The following HRCT1 variants were observed in gnomAD, a reference collection of about 807,000 sequenced individuals.
The protein encoded by HRCT1 is histidine rich carboxyl terminus 1, also known as histidine-rich carboxyl terminus protein 1.
For missense variants in HRCT1, 185 were observed against 161.3 expected (o/e 1.15, Z -0.80); for synonymous variants, 76 against 69.0 (o/e 1.10, Z -0.50).
chr9:35,906,804 A>T lies in HRCT1; in HGVS notation c.*169A>T. The T allele has an allele frequency of 1.1e-6, 1 of 944,978 alleles. No individual in the cohort carries two copies. The highest frequency in any genetic ancestry group is 2.6e-5 in the East Asian group (1 of 38,382). 58.5% of individuals were successfully genotyped at this position (944,978 alleles called of 1,614,324 possible). On this transcript the variant is annotated 3_prime_UTR_variant, in exon 1 of 1. Transcript: ENST00000354323. The stretch of plus-strand genomic sequence containing the variant: ...GCATTTGCATGGCATGCCCCAGTGT[A>T]CTATGGCAGCAGAGAATGGAGGAAC...
rs1833108851 is a variant in HRCT1 at position 35,906,733 on chromosome 9, C to T, written c.*98C>T. 6.7e-7 allele frequency: 1 copy of T among 1,492,686 alleles called. No individual in the cohort carries two copies. Among genetic ancestry groups the T allele is most frequent in the African/African-American group, 1.4e-5 (1 of 71,476 alleles). 92.5% of individuals were successfully genotyped at this position (1,492,686 alleles called of 1,614,324 possible). On this transcript the variant is annotated 3_prime_UTR_variant, in exon 1 of 1. Coordinates refer to ENST00000354323, the MANE Select transcript of HRCT1 (RefSeq NM_001039792.2). ...CATGTTTCCATGTGGAAGGATGCAT[C>T]TCTGGGGTGAACGAGGGGAACAATA... is the stretch of plus-strand genomic sequence containing the variant.
Position 35,906,649 on chromosome 9 carries a change from G to A in HRCT1, c.*14G>A, listed in dbSNP as rs780777262. 39 of 1,288,508 alleles carry A rather than the reference G, an allele frequency of 3.0e-5. No individual in the cohort carries two copies. The highest frequency in any genetic ancestry group is 2.4e-4 in the African/African-American group (14 of 58,572). The allele number at this position is 1,288,508 out of a possible 1,614,324, so 79.8% of individuals were successfully genotyped here. ...CACGCTCGCTGAGGCTGCTGTCGCCGGTGCCTGTGGACAGCAGCTGCCCCT... is the reference window on the plus strand; with the variant it reads ...CACGCTCGCTGAGGCTGCTGTCGCCAGTGCCTGTGGACAGCAGCTGCCCCT... On this transcript the variant is annotated 3_prime_UTR_variant, in exon 1 of 1. Transcript: ENST00000354323.
Position 35,906,595 on chromosome 9 carries a change from A to ACCCCCACCACCACCC in HRCT1, c.310_311insCCCACCACCACCCCC (p.His103_His104insProHisHisHisPro), listed in dbSNP as rs1554690914. 1 of 1,198,304 alleles carries ACCCCCACCACCACCC rather than the reference A, an allele frequency of 8.3e-7. No individual in the cohort carries two copies. Among genetic ancestry groups the ACCCCCACCACCACCC allele is most frequent in the African/African-American group, 2.4e-5 (1 of 42,160 alleles). The allele number at this position is 1,198,304 out of a possible 1,614,324, so 74.2% of individuals were successfully genotyped here. ...CACACCCCTCACCACCTCCACCACC[A>ACCCCCACCACCACCC]CCACCACCCCCACCGCCACCATCCC... On this transcript the variant is annotated inframe_insertion, in exon 1 of 1. Coordinates refer to ENST00000354323, the MANE Select transcript of HRCT1 (RefSeq NM_001039792.2).
In HRCT1 at chr9:35,906,598, A is replaced by ACCACCCCCACCGCCACCCCCACCG; in HGVS notation, c.328_329insCCCACCGCCACCCCCACCGCCACC (p.His109_His110insProHisArgHisProHisArgHis). ...ACCCCTCACCACCTCCACCACCACC[A>ACCACCCCCACCGCCACCCCCACCG]CCACCCCCACCGCCACCATCCCCGC... On this transcript the variant is annotated inframe_insertion, in exon 1 of 1. Transcript: ENST00000354323. The ACCACCCCCACCGCCACCCCCACCG allele has an allele frequency of 8.4e-7, 1 of 1,194,688 alleles. No homozygotes were observed. The highest frequency in any genetic ancestry group is 1.1e-6 in the Non-Finnish European group (1 of 910,636). The allele number at this position is 1,194,688 out of a possible 1,614,324, so 74.0% of individuals were successfully genotyped here. A position where few individuals can be genotyped will look rare whatever the true frequency, so the allele number is the denominator to read the frequency against.
Position 35,906,586 on chromosome 9 carries a change from T to TCCACCACCACCTCCACCA in HRCT1, c.310_311insTCCACCACCACCACCACC (p.His103_His104insLeuHisHisHisHisHis). 1.7e-6 allele frequency: 2 copies of TCCACCACCACCTCCACCA among 1,188,802 alleles called. No individual in the cohort carries two copies. The highest frequency in any genetic ancestry group is 2.3e-6 in the Non-Finnish European group (2 of 887,366). The allele number at this position is 1,188,802 out of a possible 1,614,324, so 73.6% of individuals were successfully genotyped here. On this transcript the variant is annotated inframe_insertion, in exon 1 of 1. Transcript: ENST00000354323. Reference sequence around the variant, plus strand: ...CACCCCCGCCACACCCCTCACCACCTCCACCACCACCACCACCCCCACCGC... The same window carrying TCCACCACCACCTCCACCA: ...CACCCCCGCCACACCCCTCACCACCTCCACCACCACCTCCACCACCACCACCACCACCACCCCCACCGC...
chr9:35,906,559 ACCACCCCCG>A lies in HRCT1; in HGVS notation c.277_285del (p.Pro93_His95del). 3 of 1,499,364 alleles carry A rather than the reference ACCACCCCCG, an allele frequency of 2.0e-6. No individual in the cohort carries two copies. Among genetic ancestry groups the A allele is most frequent in the Non-Finnish European group, 2.7e-6 (3 of 1,117,392 alleles). 92.9% of individuals were successfully genotyped at this position (1,499,364 alleles called of 1,614,324 possible). On this transcript the variant is annotated inframe_deletion, in exon 1 of 1. Transcript: ENST00000354323. ...CCGAATGTGGGCCTCCACCACCACC[ACCACCCCCG>A]CCACACCCCTCACCACCTCCACCAC... is the stretch of plus-strand genomic sequence containing the variant.
At position 35,906,820 on chromosome 9, in the gene HRCT1, A is replaced by G; in HGVS notation, c.*185A>G. On this transcript the variant is annotated 3_prime_UTR_variant, in exon 1 of 1. Transcript: ENST00000354323. ...CCCCAGTGTACTATGGCAGCAGAGAATGGAGGAACACTGGGTCTGCAGTGC... is the reference window on the plus strand; with the variant it reads ...CCCCAGTGTACTATGGCAGCAGAGAGTGGAGGAACACTGGGTCTGCAGTGC... 3.6e-6 allele frequency: 3 copies of G among 843,716 alleles called. No homozygotes were observed. Among genetic ancestry groups the G allele is most frequent in the Non-Finnish European group, 5.5e-6 (3 of 547,728 alleles). The allele number at this position is 843,716 out of a possible 1,614,324, so 52.3% of individuals were successfully genotyped here. A position where few individuals can be genotyped will look rare whatever the true frequency, so the allele number is the denominator to read the frequency against.
chr9:35,906,604 C>CCTCACCACCTCCACCACCACCACCACCA, the HRCT1 span: 1 of 1,154,912 alleles, frequency 8.7e-7, no homozygotes, highest in Non-Finnish European at 1.2e-6. Flanking sequence ...CACCACCACC[C>CCTCACCACCTCCACCACCACCACCACCA]CCACCGCCAC....
rs1270566850 is a variant in HRCT1 at position 35,906,270 on chromosome 9, G to A, written c.-18G>A. ...GAGTGAGGAGCTGCTGGGCAGAGAG[G>A]GACTGTCCGGCTCCCAGATGCTGGG... is the stretch of plus-strand genomic sequence containing the variant. On this transcript the variant is annotated 5_prime_UTR_variant, in exon 1 of 1. Transcript: ENST00000354323. The A allele has an allele frequency of 1.3e-6, 2 of 1,583,998 alleles. No homozygotes were observed. The highest frequency in any genetic ancestry group is 1.7e-6 in the Non-Finnish European group (2 of 1,163,836).
In HRCT1 at chr9:35,906,481, G is replaced by C; in HGVS notation, c.194G>C (p.Gly65Ala). 6.3e-7 allele frequency: 1 copy of C among 1,596,020 alleles called. No homozygotes were observed. ...RAQPWPFRRR[G>A]HLGIFHHHRH... ...CAGCCTTGGCCCTTCCGGCGGCGGG[G>C]CCACCTGGGAATCTTTCACCATCAC... is the stretch of plus-strand genomic sequence containing the variant. Residue 65 changes from glycine (G) to alanine (A), a missense_variant, in exon 1 of 1, where the codon GGC becomes GCC. Coordinates refer to ENST00000354323, the MANE Select transcript of HRCT1 (RefSeq NM_001039792.2).
chr9:35,906,592 A>ACCACCACCCCCACCGCCACCATCCCCG lies in HRCT1; in HGVS notation c.313_314insCCCACCGCCACCATCCCCGCCACCACC (p.His104_His105insProHisArgHisHisProArgHisHis). ...CGCCACACCCCTCACCACCTCCACC[A>ACCACCACCCCCACCGCCACCATCCCCG]CCACCACCACCCCCACCGCCACCAT... On this transcript the variant is annotated inframe_insertion, in exon 1 of 1. Transcript: ENST00000354323. 1 of 1,278,044 alleles carries ACCACCACCCCCACCGCCACCATCCCCG rather than the reference A, an allele frequency of 7.8e-7. No homozygotes were observed. The allele number at this position is 1,278,044 out of a possible 1,614,324, so 79.2% of individuals were successfully genotyped here.
chr9:35,906,583 ACCTCCACCACCACCACCACCC>A lies in HRCT1; in HGVS notation c.299_319del (p.Leu100_Pro106del), dbSNP rs781320157. ...CACCACCCCCGCCACACCCCTCACC[ACCTCCACCACCACCACCACCC>A]CCACCGCCACCATCCCCGCCACGCT... On this transcript the variant is annotated inframe_deletion, in exon 1 of 1. Coordinates refer to ENST00000354323, the MANE Select transcript of HRCT1 (RefSeq NM_001039792.2). 28 of 1,390,270 alleles carry A rather than the reference ACCTCCACCACCACCACCACCC, an allele frequency of 2.0e-5. No homozygotes were observed. The highest frequency in any genetic ancestry group is 4.2e-5 in the African/African-American group (2 of 47,212). 86.1% of individuals were successfully genotyped at this position (1,390,270 alleles called of 1,614,324 possible). A position where few individuals can be genotyped will look rare whatever the true frequency, so the allele number is the denominator to read the frequency against.
At position 35,906,589 on chromosome 9, in the gene HRCT1, A is replaced by ACCACCACCACCC. The variant is rs772770230; in HGVS notation, c.313_314insCCCACCACCACC (p.His104_His105insProHisHisHis). On this transcript the variant is annotated inframe_insertion, in exon 1 of 1. Transcript: ENST00000354323. ...CCCCGCCACACCCCTCACCACCTCC[A>ACCACCACCACCC]CCACCACCACCACCCCCACCGCCAC... The ACCACCACCACCC allele has an allele frequency of 6.3e-4, 646 of 1,020,660 alleles. 7 individuals are homozygous for ACCACCACCACCC. The highest frequency in any genetic ancestry group is 3.7e-3 in the South Asian group (191 of 52,226). 63.2% of individuals were successfully genotyped at this position (1,020,660 alleles called of 1,614,324 possible). A position where few individuals can be genotyped will look rare whatever the true frequency, so the allele number is the denominator to read the frequency against.
rs570550605 is a variant in HRCT1, at chr9:35,906,941, C to T, written c.*306C>T. ...CCCAGTGAGCCCCAGAAATGACAAG[C>T]GTGTCTTGGCAGAGCCAGCACACAA... On this transcript the variant is annotated 3_prime_UTR_variant, in exon 1 of 1. Coordinates refer to ENST00000354323, the MANE Select transcript of HRCT1 (RefSeq NM_001039792.2). 1.9e-4 allele frequency: 85 copies of T among 452,156 alleles called. No individual in the cohort carries two copies. In the South Asian group the frequency reaches 2.8e-3, roughly 15 times the overall value. 28.0% of individuals were successfully genotyped at this position (452,156 alleles called of 1,614,324 possible).
In HRCT1 at chr9:35,906,509, T is replaced by A; in HGVS notation, c.222T>A (p.Arg74=). The A allele has an allele frequency of 6.5e-7, 1 of 1,548,090 alleles. No homozygotes were observed. The highest frequency in any genetic ancestry group is 8.7e-7 in the Non-Finnish European group (1 of 1,145,028). The change falls in exon 1 of 1, where the codon CGT becomes CGA. Residue 74 remains arginine, a synonymous_variant. Coordinates refer to ENST00000354323, the MANE Select transcript of HRCT1 (RefSeq NM_001039792.2). ...ACCTGGGAATCTTTCACCATCACCG[T>A]CATCCTGGCCACGTATCTCATGTGC... is the stretch of plus-strand genomic sequence containing the variant. ...RGHLGIFHHH[R]HPGHVSHVPN...
At position 35,906,751 on chromosome 9, in the gene HRCT1, G is replaced by A; in HGVS notation, c.*116G>A. 2 of 1,414,796 alleles carry A rather than the reference G, an allele frequency of 1.4e-6. No individual in the cohort carries two copies. The highest frequency in any genetic ancestry group is 2.8e-5 in the South Asian group (2 of 71,702). 87.6% of individuals were successfully genotyped at this position (1,414,796 alleles called of 1,614,324 possible). A position where few individuals can be genotyped will look rare whatever the true frequency, so the allele number is the denominator to read the frequency against. ...GATGCATCTCTGGGGTGAACGAGGG[G>A]AACAATAGACTGGGGCTTGCTCCAG... On this transcript the variant is annotated 3_prime_UTR_variant, in exon 1 of 1. Transcript: ENST00000354323.
Position 35,906,598 on chromosome 9 carries a change from A to ACCACCACCGCCACCC in HRCT1, c.316_317insACCGCCACCCCCACC (p.His105_Pro106insHisArgHisProHis), listed in dbSNP as rs1554690916. The ACCACCACCGCCACCC allele has an allele frequency of 5.9e-4, 703 of 1,195,400 alleles. 7 individuals carry two copies. Among genetic ancestry groups the ACCACCACCGCCACCC allele is most frequent in the Middle Eastern group, 3.7e-3 (13 of 3,504 alleles). The allele number at this position is 1,195,400 out of a possible 1,614,324, so 74.0% of individuals were successfully genotyped here. On this transcript the variant is annotated inframe_insertion, in exon 1 of 1. Transcript: ENST00000354323. ...ACCCCTCACCACCTCCACCACCACC[A>ACCACCACCGCCACCC]CCACCCCCACCGCCACCATCCCCGC...
chr9:35,906,299 C>T lies in HRCT1; in HGVS notation c.12C>T (p.Leu4=), dbSNP rs746430989. 1.2e-6 allele frequency: 2 copies of T among 1,604,228 alleles called. No individual in the cohort carries two copies. Among genetic ancestry groups the T allele is most frequent in the South Asian group, 1.1e-5 (1 of 90,092 alleles). The part of the protein sequence containing the change: MLG[L]LGSTALVGWI... ...TGTCCGGCTCCCAGATGCTGGGCCT[C>T]CTGGGGAGCACAGCCCTCGTGGGAT... is the stretch of plus-strand genomic sequence containing the variant. The change falls in exon 1 of 1, where the codon CTC becomes CTT. Residue 4 remains leucine, a synonymous_variant. Transcript: ENST00000354323.
In HRCT1 at chr9:35,906,598, A is replaced by ACCACCACCACCATCACCC. The variant is rs1554690916; in HGVS notation, c.316_317insACCACCATCACCCCCACC (p.His105_Pro106insHisHisHisHisProHis). On this transcript the variant is annotated inframe_insertion, in exon 1 of 1. Coordinates refer to ENST00000354323, the MANE Select transcript of HRCT1 (RefSeq NM_001039792.2). Reference sequence around the variant, plus strand: ...ACCCCTCACCACCTCCACCACCACCACCACCCCCACCGCCACCATCCCCGC... The same window carrying ACCACCACCACCATCACCC: ...ACCCCTCACCACCTCCACCACCACCACCACCACCACCATCACCCCCACCCCCACCGCCACCATCCCCGC... 7 of 1,195,466 alleles carry ACCACCACCACCATCACCC rather than the reference A, an allele frequency of 5.9e-6. No homozygotes were observed. In the African/African-American group the frequency reaches 1.3e-4, roughly 23 times the overall value. The allele number at this position is 1,195,466 out of a possible 1,614,324, so 74.1% of individuals were successfully genotyped here.
Sources: gnomAD v4.1 joint callset for allele counts on GRCh38, gnomAD v4.1.1 for gene constraint, MANE v1.5 for transcripts, NCBI Gene and HGNC (gene_info 2026-07-23, HGNC 2026-07-21) for gene names.